The following CSMD1 variants were observed in gnomAD, a reference collection of about 807,000 sequenced individuals.
The protein encoded by CSMD1 is CUB and Sushi multiple domains 1, also known as CUB and sushi domain-containing protein 1.
Under a neutral mutation model 417.5 loss-of-function variants are expected in CSMD1, and 213 were observed. The observed-to-expected ratio is 0.51, with a 90% CI of 0.46 to 0.57. The LOEUF (loss-of-function observed/expected upper bound fraction) is 0.57. Ranked by LOEUF, CSMD1 falls within the 20% of genes least tolerant of loss-of-function variation. The pLI, the probability that CSMD1 is intolerant of heterozygous loss-of-function variation, is 0.00. For missense variants in CSMD1, 6,923 were observed against 4,529.7 expected (o/e 1.53, Z -15.17); for synonymous variants, 2,862 against 1,736.8 (o/e 1.65, Z -16.11).
chr8:4,530,232 T>C (rs1336225990), intron 2 of CSMD1, among the ~76,000 whole-genome samples: 4 of 150,866 alleles, frequency 2.7e-5, no homozygotes. Flanking sequence ...TATTTGTGAC[T>C]GCATACCATG....
At position 3,503,841 on chromosome 8, in the gene CSMD1, CCA is replaced by C. The variant is rs1481177815; in HGVS notation, c.1345-10117_1345-10116del. Reference sequence around the variant, plus strand: ...TCCCCCCATCCCCCCTTGCCCCCCCCCAACCCCCACACTCTTCCTAGCCCCTG... The same window carrying C: ...TCCCCCCATCCCCCCTTGCCCCCCCCACCCCCACACTCTTCCTAGCCCCTG... On this transcript the variant is annotated intron_variant, in intron 10 of 69. Transcript: ENST00000635120. Among the ~76,000 whole-genome samples the C allele has an allele frequency of 7.3e-5, 11 of 150,230 alleles. No homozygotes were observed. In the South Asian group the frequency reaches 1.7e-3, roughly 23 times the overall value.
intron 17 of CSMD1, among the ~76,000 whole-genome samples, chr8:3,390,208 A>G (rs1023877527): frequency 6.6e-6 from 1 of 151,866 alleles, no homozygotes; most frequent in Non-Finnish European, 1.5e-5. Flanking sequence ...TATAAAAATT[A>G]GCCAGGTGTG....
At chr8:4,869,862 T>G (rs991219815) in intron 1 of CSMD1, among the ~76,000 whole-genome samples, 13 of 152,078 alleles carry the variant, frequency 8.5e-5, no homozygotes, top group African/African-American at 2.4e-5. Context: ...TTTTTTATAT[T>G]CTCTTTTTTC....
intron 2 of CSMD1, among the ~76,000 whole-genome samples, chr8:4,516,206 C>A (rs939598124): frequency 9.2e-5 from 14 of 152,072 alleles, no homozygotes; most frequent in African/African-American, 3.4e-4. Flanking sequence ...AACCCAGACA[C>A]ACACAGAGGG....
intron 26 of CSMD1, among the ~76,000 whole-genome samples, chr8:3,276,930 C>A (rs921848512): frequency 6.6e-6 from 1 of 152,062 alleles, no homozygotes; most frequent in African/African-American, 2.4e-5. Context: ...AAAATGGTAA[C>A]CCACAATGGG....
At chr8:3,402,786 G>C (rs1231527038) in intron 15 of CSMD1, among the ~76,000 whole-genome samples, 1 of 151,778 alleles carries the variant, frequency 6.6e-6, no homozygotes, top group Admixed American at 6.6e-5. Flanking sequence ...GCTTTAAATT[G>C]TTTATAACAC....
intron 2 of CSMD1, among the ~76,000 whole-genome samples, chr8:4,551,888 A>G (rs1797887317): frequency 6.8e-6 from 1 of 147,952 alleles, no homozygotes; most frequent in Non-Finnish European, 1.5e-5. Context: ...GGGTATCACC[A>G]TGTTGCTCAG....
chr8:3,261,983 T>C (rs1373624053), intron 26 of CSMD1, among the ~76,000 whole-genome samples: 1 of 151,816 alleles, frequency 6.6e-6, no homozygotes, highest in African/African-American at 2.4e-5. Context: ...TTCTACAGGA[T>C]GTTACTCTTG....
chr8:3,383,309 A>C (rs1042226990), intron 18 of CSMD1, among the ~76,000 whole-genome samples: 3 of 152,208 alleles, frequency 2.0e-5, no homozygotes, highest in Non-Finnish European at 4.4e-5. Flanking sequence ...AAAATGTTTA[A>C]AGTTTTTAGG....
intron 2 of CSMD1, among the ~76,000 whole-genome samples, chr8:4,458,528 G>T (rs143165875): frequency 6.6e-6 from 1 of 151,896 alleles, no homozygotes; most frequent in Admixed American, 6.6e-5. Context: ...GTGTGAAAGA[G>T]GTATGTATTT....
rs554758560 is a variant in CSMD1, at chr8:3,930,693, C to T, written c.818+67210G>A. Reference sequence around the variant, plus strand: ...TGGCAAAACTGCTGGCAAGTGTACCCTTTCTGCAGAAAGGAAAAAAATGGC... The same window carrying T: ...TGGCAAAACTGCTGGCAAGTGTACCTTTTCTGCAGAAAGGAAAAAAATGGC... On this transcript the variant is annotated intron_variant, in intron 5 of 69. Coordinates refer to ENST00000635120, the MANE Select transcript of CSMD1 (RefSeq NM_033225.6). Among the ~76,000 whole-genome samples, 60 of 150,370 alleles carry T rather than the reference C, an allele frequency of 4.0e-4. 4 individuals are homozygous for T. The highest frequency in any genetic ancestry group is 1.4e-3 in the African/African-American group (57 of 40,812).
At chr8:2,973,359 T>A in intron 56 of CSMD1, 60 bp from the exon 57 acceptor site, 1 of 1,507,788 alleles carries the variant, frequency 6.6e-7, no homozygotes, top group Non-Finnish European at 9.1e-7. Context: ...TTAAGCAGAG[T>A]TGTCACACTT....
At chr8:4,136,286 G>A (rs183632604) in intron 3 of CSMD1, among the ~76,000 whole-genome samples, 14 of 152,268 alleles carry the variant, frequency 9.2e-5, no homozygotes, top group African/African-American at 3.1e-4. Context: ...AACACACAGG[G>A]ACCATCTTTT....
intron 1 of CSMD1, among the ~76,000 whole-genome samples, chr8:4,870,776 C>G (rs1290115643): frequency 6.6e-6 from 1 of 152,232 alleles, no homozygotes; most frequent in East Asian, 1.9e-4. Context: ...GAGCAGAACC[C>G]TGGTCCTCGG....
At chr8:4,630,904 T>C (rs1018362527) in intron 2 of CSMD1, among the ~76,000 whole-genome samples, 2 of 152,216 alleles carry the variant, frequency 1.3e-5, no homozygotes, top group African/African-American at 4.8e-5. Flanking sequence ...TCATATTTGC[T>C]GGTCACTGTC....
chr8:3,214,482 C>G lies in CSMD1; in HGVS notation c.4867+15G>C. ...GAAAGTTGTATTTCTAGAAAATACCCAAGCGTGCACTCACCATTGCAGGAG... is the reference window on the plus strand; with the variant it reads ...GAAAGTTGTATTTCTAGAAAATACCGAAGCGTGCACTCACCATTGCAGGAG... On this transcript the variant is annotated intron_variant, in intron 30 of 69. Coordinates refer to ENST00000635120, the MANE Select transcript of CSMD1 (RefSeq NM_033225.6). The G allele has an allele frequency of 1.3e-6, 2 of 1,523,460 alleles. No homozygotes were observed. The highest frequency in any genetic ancestry group is 2.3e-5 in the Admixed American group (1 of 43,124). The allele number at this position is 1,523,460 out of a possible 1,614,324, so 94.4% of individuals were successfully genotyped here. A position where few individuals can be genotyped will look rare whatever the true frequency, so the allele number is the denominator to read the frequency against.
chr8:3,794,177 C>T (rs1799910061), intron 5 of CSMD1, among the ~76,000 whole-genome samples: 1 of 152,170 alleles, frequency 6.6e-6, no homozygotes, highest in South Asian at 2.1e-4. Flanking sequence ...TTATGTTACT[C>T]AAAGCTTGAG....
chr8:3,936,832 G>A (rs142838587), intron 5 of CSMD1, among the ~76,000 whole-genome samples: 271 of 152,266 alleles, frequency 1.8e-3, no homozygotes, highest in African/African-American at 5.7e-3. Flanking sequence ...ATTGCTGCAT[G>A]GAGAGTGAGT....
chr8:4,587,037 T>A (rs1162239106), intron 2 of CSMD1, among the ~76,000 whole-genome samples: 1 of 152,234 alleles, frequency 6.6e-6, no homozygotes, highest in Non-Finnish European at 1.5e-5. Context: ...TAATTTTGAA[T>A]GAATGCTTTC....
Sources: allele counts gnomAD v4.1 joint callset (sites outside exome capture counted in the v4.1 genomes callset), GRCh38; gene constraint gnomAD v4.1.1; transcripts MANE v1.5; gene names NCBI Gene and HGNC (gene_info 2026-07-23, HGNC 2026-07-21).